Variants in ZNF300 observed in about 807,000 individuals in gnomAD.
ZNF300 encodes the protein kruppel-like zinc finger protein.
A neutral mutation model predicts 13.9 loss-of-function variants in ZNF300; 6 were observed. That is an observed-to-expected ratio of 0.43 (90% CI 0.24 to 0.85). The LOEUF (loss-of-function observed/expected upper bound fraction) is 0.85, where lower values mean the gene tolerates loss of function less well. Ranked by LOEUF, ZNF300 falls within the 40% of genes least tolerant of loss-of-function variation. ZNF300 has a pLI of 0.25. For missense variants in ZNF300, 662 were observed against 714.2 expected (o/e 0.93, Z 0.83); for synonymous variants, 237 against 242.2 (o/e 0.98, Z 0.20).
In ZNF300 at chr5:150,896,679, T is replaced by C. The variant is rs142250497; in HGVS notation, c.560A>G (p.Tyr187Cys). The change falls in exon 6 of 6, where the codon TAT (tyrosine) becomes TGT (cysteine). Residue 187 changes from tyrosine to cysteine, a missense_variant. Tyr to Cys is a radical substitution (Grantham distance 194, BLOSUM62 -2). Transcript: ENST00000274599. ...TDISIQRFHK[Y>C]DAFKKNLKPN... The stretch of plus-strand genomic sequence containing the variant: ...TTTTAAGTTCTTTTTAAAAGCATCA[T>C]ATTTATGGAATCTCTGTATTGATAT... The C allele has an allele frequency of 6.2e-6, 10 of 1,613,610 alleles. No homozygotes were observed. In the African/African-American group the frequency reaches 1.2e-4, roughly 19 times the overall value.
rs970880261 is a variant in ZNF300 at position 150,894,447 on chromosome 5, A to C, written c.*977T>G. The stretch of plus-strand genomic sequence containing the variant: ...ATGTAAGTATATGAAAATAAATCCA[A>C]GTATTAAAAAACACAACCTTAACAT... On this transcript the variant is annotated 3_prime_UTR_variant, in exon 6 of 6. Coordinates refer to ENST00000274599, the MANE Select transcript of ZNF300 (RefSeq NM_052860.4). 5.9e-5 allele frequency: 9 copies of C among 152,254 alleles called. No homozygotes were observed. The highest frequency in any genetic ancestry group is 2.2e-4 in the African/African-American group (9 of 41,436). 9.4% of individuals were successfully genotyped at this position (152,254 alleles called of 1,614,324 possible).
rs1277133794 is a variant in ZNF300, at chr5:150,895,993, TC to T, written c.1245del (p.Ala417ProfsTer41). ...AGGTGGGACTTCTCACAGAAGGCTT[TC>T]CCACATTCGGTACACTCATACGGCT... ...GEKPYECTEC[G>X]KAFCEKSHLI... On this transcript the variant is annotated frameshift_variant, in exon 6 of 6. Coordinates refer to ENST00000274599, the MANE Select transcript of ZNF300 (RefSeq NM_052860.4). LOFTEE classifies it low-confidence loss of function (END_TRUNC). 6.2e-7 allele frequency: 1 copy of T among 1,613,558 alleles called. No individual in the cohort carries two copies.
Position 150,896,633 on chromosome 5 carries a change from A to G in ZNF300, c.606T>C (p.Ser202=), listed in dbSNP as rs144270560. 1.7e-4 allele frequency: 275 copies of G among 1,613,344 alleles called. No individual in the cohort carries two copies. Among genetic ancestry groups the G allele is most frequent in the Non-Finnish European group, 2.3e-4 (267 of 1,179,782 alleles). The change falls in exon 6 of 6, where the codon AGT becomes AGC. Residue 202 remains serine (S), a synonymous_variant. Coordinates refer to ENST00000274599, the MANE Select transcript of ZNF300 (RefSeq NM_052860.4). The part of the protein sequence containing the change: ...KNLKPNIDLP[S]CYKSNSRKKP... ...TTTTTCTTGAATTGCTCTTATAACA[A>G]CTCGGTAGGTCAATATTTGGTTTTA... is the stretch of plus-strand genomic sequence containing the variant.
At chr5:150,903,695 A>ACT (rs1755059110) in intron 2 of ZNF300, among the ~76,000 whole-genome samples, 169 bp downstream of exon 2, 1 of 152,198 alleles carries the variant, frequency 6.6e-6, no homozygotes, top group South Asian at 2.1e-4. Context: ...CAACTTAGAA[A>ACT]ACTCTTGCTA....
At chr5:150,901,530 A>C (rs1754995142) in intron 3 of ZNF300, among the ~76,000 whole-genome samples, 1 of 152,086 alleles carries the variant, frequency 6.6e-6, no homozygotes, top group African/African-American at 2.4e-5. Flanking sequence ...CAAAAACAAA[A>C]ACAACAATGA....
rs1422140928 is a variant in ZNF300 at position 150,898,552 on chromosome 5, C to A, written c.18G>T (p.Gly6=). 1 of 1,599,256 alleles carries A rather than the reference C, an allele frequency of 6.3e-7. No individual in the cohort carries two copies. The highest frequency in any genetic ancestry group is 8.5e-7 in the Non-Finnish European group (1 of 1,172,420). Residue 6 remains glycine (G), a splice_region_variant and synonymous_variant, in exon 4 of 6, where the codon GGG becomes GGT. Transcript: ENST00000274599. MMKSQ[G]LVSFKDVAVD... is the part of the protein sequence containing the mutation. ...CAGCCACATCCTTGAATGATACTAA[C>A]CCCTGTAATAGTAAATTCCTGTTCA...
In ZNF300 at chr5:150,897,739, A is replaced by G. The variant is rs1581660338; in HGVS notation, c.265+323T>C. 3 of 313,220 alleles carry G rather than the reference A, an allele frequency of 9.6e-6. No homozygotes were observed. In the East Asian group the frequency reaches 1.6e-4, roughly 17 times the overall value. The allele number at this position is 313,220 out of a possible 1,614,324, so 19.4% of individuals were successfully genotyped here. Reference sequence around the variant, plus strand: ...ATTTTCTCTGAACTTCTAAAACAGTAACTGTATTTGACATTTAATTTAATA... The same window carrying G: ...ATTTTCTCTGAACTTCTAAAACAGTGACTGTATTTGACATTTAATTTAATA... On this transcript the variant is annotated intron_variant, in intron 5 of 5. Transcript: ENST00000274599.
chr5:150,898,404 G>A (rs1754873494), intron 4 of ZNF300, 24 bp downstream of exon 4: 1 of 1,613,246 alleles, frequency 6.2e-7, no homozygotes, highest in South Asian at 1.1e-5. Flanking sequence ...ACAACTCTGA[G>A]TTATTCAGGG....
intron 2 of ZNF300, chr5:150,903,385 T>C: frequency 6.5e-7 from 1 of 1,539,798 alleles, no homozygotes; most frequent in East Asian, 2.4e-5. Context: ...CTCTTGTACC[T>C]ATAATATGAT....
rs1391244277 is a variant in ZNF300, at chr5:150,904,799, T to G, written c.-237A>C. ...AATGGGAACCGCTGTCACATCCCTATTGGCAAACTCTCCTGCTTCCTGTCC... is the reference window on the plus strand; with the variant it reads ...AATGGGAACCGCTGTCACATCCCTAGTGGCAAACTCTCCTGCTTCCTGTCC... On this transcript the variant is annotated 5_prime_UTR_variant, in exon 1 of 6. Transcript: ENST00000274599. 1 of 153,044 alleles carries G rather than the reference T, an allele frequency of 6.5e-6. No individual in the cohort carries two copies. The highest frequency in any genetic ancestry group is 1.5e-5 in the Non-Finnish European group (1 of 68,428). 9.5% of individuals were successfully genotyped at this position (153,044 alleles called of 1,614,324 possible). A position where few individuals can be genotyped will look rare whatever the true frequency, so the allele number is the denominator to read the frequency against.
rs760627803 is a variant in ZNF300, at chr5:150,895,952, T to C, written c.1287A>G (p.Arg429=). ...TGTAGGGTTTCTCACCAGTGTGAATTCTTTTATGTATAATGAGGTGGGACT... is the reference window on the plus strand; with the variant it reads ...TGTAGGGTTTCTCACCAGTGTGAATCCTTTTATGTATAATGAGGTGGGACT... The part of the protein sequence containing the change: ...CEKSHLIIHK[R]IHTGEKPYKC... Residue 429 remains arginine (R), a synonymous_variant, in exon 6 of 6, where the codon AGA becomes AGG. Transcript: ENST00000274599. 4.3e-6 allele frequency: 7 copies of C among 1,613,468 alleles called. No homozygotes were observed. In the African/African-American group the frequency reaches 9.3e-5, roughly 22 times the overall value.
intron 5 of ZNF300, 35 bp from the exon 6 acceptor site, chr5:150,897,008 A>T (rs1023249059): frequency 2.6e-6 from 4 of 1,519,064 alleles, no homozygotes; most frequent in African/African-American, 2.8e-5. Flanking sequence ...AAGAGTCATC[A>T]CAAGAGTCAA....
At chr5:150,898,260 T>C in intron 4 of ZNF300, 76 bp from the exon 5 acceptor site, 2 of 1,599,804 alleles carry the variant, frequency 1.3e-6, no homozygotes, top group East Asian at 2.2e-5. Flanking sequence ...TCAGATGGTC[T>C]ACAATAAAGC....
Position 150,896,546 on chromosome 5 carries a change from A to C in ZNF300, c.693T>G (p.Leu231=). ...SSSQSEPNSN[L]EKIHNGVIPF... ...GTATTACTCCATTGTGAATCTTCTC[A>C]AGATTAGAATTGGGCTCACTCTGGC... The change falls in exon 6 of 6, where the codon CTT becomes CTG. Residue 231 remains leucine, a synonymous_variant. Coordinates refer to ENST00000274599, the MANE Select transcript of ZNF300 (RefSeq NM_052860.4). The C allele has an allele frequency of 6.2e-7, 1 of 1,613,736 alleles. No individual in the cohort carries two copies.
Position 150,896,134 on chromosome 5 carries a change from T to C in ZNF300, c.1105A>G (p.Ile369Val). ...CCAGTATGTATTCTCTGATGTATAA[T>C]GAGGGGTGATTTCTGGGAGAAGGCT... is the stretch of plus-strand genomic sequence containing the variant. ...GKAFSQKSPLIIHQRIHTGEK... is the reference protein window; with the variant it reads ...GKAFSQKSPLVIHQRIHTGEK... Residue 369 changes from isoleucine (I) to valine (V), a missense_variant, in exon 6 of 6, where the codon ATT (isoleucine) becomes GTT (valine). Transcript: ENST00000274599. 6.2e-7 allele frequency: 1 copy of C among 1,613,372 alleles called. No individual in the cohort carries two copies. Among genetic ancestry groups the C allele is most frequent in the Non-Finnish European group, 8.5e-7 (1 of 1,179,716 alleles).
chr5:150,903,083 C>T lies in ZNF300; in HGVS notation c.15+58G>A. On this transcript the variant is annotated intron_variant, in intron 3 of 5. Transcript: ENST00000274599. ...CCAGATTTTAGCTAACTTTACTTTC[C>T]ATTTGATTGTATGAAAAACCAAAGA... The T allele has an allele frequency of 1.9e-6, 3 of 1,542,508 alleles. No homozygotes were observed. The East Asian group carries it at 6.7e-5, about 35-fold the overall frequency.
chr5:150,895,641 T>C lies in ZNF300; in HGVS notation c.1598A>G (p.Lys533Arg), dbSNP rs1754730801. The change falls in exon 6 of 6, where the codon AAG becomes AGG. Residue 533 changes from lysine (K) to arginine (R), a missense_variant. By Grantham distance (26) the Lys-to-Arg change is conservative. Coordinates refer to ENST00000274599, the MANE Select transcript of ZNF300 (RefSeq NM_052860.4). ...TCGCTGGTGTCCCGGAAGGTGGGACTTCTGAGAGAAGGCTTTCCCACATTC... is the reference window on the plus strand; with the variant it reads ...TCGCTGGTGTCCCGGAAGGTGGGACCTCTGAGAGAAGGCTTTCCCACATTC... ...CTECGKAFSQKSHLPGHQRIH... is the reference protein window; with the variant it reads ...CTECGKAFSQRSHLPGHQRIH... The C allele has an allele frequency of 1.9e-6, 3 of 1,613,154 alleles. No individual in the cohort carries two copies. Among genetic ancestry groups the C allele is most frequent in the Non-Finnish European group, 2.5e-6 (3 of 1,179,554 alleles).
chr5:150,903,406 T>C lies in ZNF300; in HGVS notation c.-27-224A>G, dbSNP rs1038160404. On this transcript the variant is annotated intron_variant, in intron 2 of 5. Coordinates refer to ENST00000274599, the MANE Select transcript of ZNF300 (RefSeq NM_052860.4). ...TACCTATAATATGATCACATAGAAG[T>C]TGACCAAGGTTTTATAATTGGATAG... is the stretch of plus-strand genomic sequence containing the variant. 15 of 1,507,860 alleles carry C rather than the reference T, an allele frequency of 9.9e-6. No homozygotes were observed. The African/African-American group carries it at 1.2e-4, about 12-fold the overall frequency. 93.4% of individuals were successfully genotyped at this position (1,507,860 alleles called of 1,614,324 possible). A position where few individuals can be genotyped will look rare whatever the true frequency, so the allele number is the denominator to read the frequency against.
chr5:150,903,110 G>T (rs751120717), intron 3 of ZNF300, 31 bp downstream of exon 3: 17 of 1,488,986 alleles, frequency 1.1e-5, no homozygotes, highest in Middle Eastern at 3.6e-4. Flanking sequence ...AACCAAAGAA[G>T]AATTTTTTTT....
Sources: gnomAD v4.1 joint callset for allele counts (sites outside exome capture counted in the v4.1 genomes callset) on GRCh38, gnomAD v4.1.1 for gene constraint, MANE v1.5 for transcripts, NCBI Gene and HGNC (gene_info 2026-07-23, HGNC 2026-07-21) for gene names.